The following RBMS3 variants were observed in gnomAD, a reference collection of about 807,000 sequenced individuals.
RBMS3 encodes the protein RNA-binding motif, single-stranded-interacting protein 3.
In RBMS3, 27 loss-of-function variants were observed where a neutral mutation model predicts 66.8. The ratio of observed to expected loss-of-function variants is 0.40; its 90% CI spans 0.30 to 0.56. The LOEUF (loss-of-function observed/expected upper bound fraction) is 0.56. Among genes scored for constraint, RBMS3 ranks in the 20% least tolerant of loss-of-function variants. RBMS3 has a pLI of 0.40. For synonymous variants in RBMS3, 188 were observed against 183.0 expected (o/e 1.03, Z -0.22); for missense variants, 513 against 549.5 (o/e 0.93, Z 0.66).
intron 8 of RBMS3, among the ~76,000 whole-genome samples, chr3:29,895,304 A>G (rs796290796): frequency 2.0e-5 from 3 of 151,660 alleles, no homozygotes; most frequent in African/African-American, 7.2e-5. Flanking sequence ...CATACAGTAT[A>G]TTCACTCTCT....
chr3:29,963,828 CA>C (rs759079889), intron 12 of RBMS3, among the ~76,000 whole-genome samples: 34 of 121,594 alleles, frequency 2.8e-4, no homozygotes, highest in Admixed American at 6.1e-4. Context: ...CTGCCCCCTC[CA>C]AAAAAAAAAA....
At chr3:29,852,850 G>C (rs1285321876) in intron 6 of RBMS3, among the ~76,000 whole-genome samples, 1 of 152,094 alleles carries the variant, frequency 6.6e-6, no homozygotes, top group African/African-American at 2.4e-5. Context: ...TTATAAAGAA[G>C]CATGAATTTG....
intron 1 of RBMS3, among the ~76,000 whole-genome samples, chr3:29,406,688 A>C (rs1482131168): frequency 6.6e-6 from 1 of 152,182 alleles, no homozygotes; most frequent in Non-Finnish European, 1.5e-5. Context: ...TAAACCCTGA[A>C]CTGTGTTAAA....
Position 29,679,367 on chromosome 3 carries a change from T to C in RBMS3, c.400-60353T>C, listed in dbSNP as rs148286233. Among the ~76,000 whole-genome samples the C allele has an allele frequency of 4.3e-3, 654 of 152,282 alleles. 4 individuals are homozygous for C. The highest frequency in any genetic ancestry group is 0.015 in the African/African-American group (629 of 41,566). ...TTCTATTTTTGAGCCAATCTCTTAATAGCATTTATTAGAGTCACTTTTGCC... is the reference window on the plus strand; with the variant it reads ...TTCTATTTTTGAGCCAATCTCTTAACAGCATTTATTAGAGTCACTTTTGCC... On this transcript the variant is annotated intron_variant, in intron 4 of 14. Coordinates refer to ENST00000383767, the MANE Select transcript of RBMS3 (RefSeq NM_001003793.3).
intron 7 of RBMS3, among the ~76,000 whole-genome samples, chr3:29,881,527 C>T (rs1318670581): frequency 6.6e-6 from 1 of 152,138 alleles, no homozygotes; most frequent in Admixed American, 6.6e-5. Flanking sequence ...AGAGCTAGAA[C>T]TTGAACTCAG....
intron 3 of RBMS3, among the ~76,000 whole-genome samples, chr3:29,547,585 AT>A (rs2046008861): frequency 6.6e-6 from 1 of 151,974 alleles, no homozygotes; most frequent in Non-Finnish European, 1.5e-5. Context: ...ATTTTTTCAT[AT>A]TGCTGAGGGA....
chr3:29,575,639 A>G (rs1045072548), intron 3 of RBMS3, among the ~76,000 whole-genome samples: 2 of 151,932 alleles, frequency 1.3e-5, no homozygotes, highest in African/African-American at 4.8e-5. Flanking sequence ...TAACTCTTAT[A>G]TTTGCCCTTT....
intron 1 of RBMS3, among the ~76,000 whole-genome samples, chr3:29,291,548 G>T (rs1404018568): frequency 2.0e-5 from 3 of 151,812 alleles, no homozygotes; most frequent in Non-Finnish European, 4.4e-5. Context: ...AATGTAACAG[G>T]TGTTTCCCTA....
At chr3:29,647,091 C>T (rs911102358) in intron 4 of RBMS3, among the ~76,000 whole-genome samples, 1 of 152,094 alleles carries the variant, frequency 6.6e-6, no homozygotes, top group Non-Finnish European at 1.5e-5. Context: ...GATTCTCGTG[C>T]CTCAGCCTCC....
intron 6 of RBMS3, among the ~76,000 whole-genome samples, chr3:29,835,415 G>A (rs1434553201): frequency 6.6e-6 from 1 of 151,932 alleles, no homozygotes; most frequent in Non-Finnish European, 1.5e-5. Flanking sequence ...TTAAAAGATT[G>A]TAATCATATT....
chr3:29,394,021 G>A (rs62235726), intron 1 of RBMS3, among the ~76,000 whole-genome samples: 4,027 of 152,204 alleles, frequency 0.026, 75 homozygotes, highest in Non-Finnish European at 0.041. Context: ...AACAGGGTTC[G>A]AGAGCAGACA....
intron 12 of RBMS3, among the ~76,000 whole-genome samples, chr3:29,987,288 AAGAGTAGAACTTTGAAGGTGC>A (rs933967148): frequency 2.6e-5 from 4 of 152,220 alleles, no homozygotes; most frequent in Non-Finnish European, 5.9e-5. Flanking sequence ...TCAATTCTTG[AAGAGTAGAACTTTGAAGGTGC>A]AGGATGAATA....
chr3:29,469,664 C>CATATAT (rs138407126), intron 2 of RBMS3, among the ~76,000 whole-genome samples: 17,839 of 148,192 alleles, frequency 0.12, 1,107 homozygotes, highest in Non-Finnish European at 0.14. Context: ...AAAACTAAAC[C>CATATAT]ATATATATAT....
chr3:29,943,281 A>T (rs916405375), intron 11 of RBMS3, among the ~76,000 whole-genome samples: 1 of 151,828 alleles, frequency 6.6e-6, no homozygotes, highest in Non-Finnish European at 1.5e-5. Flanking sequence ...TTGGCAGTTG[A>T]TTTGAATCTA....
At chr3:29,297,411 T>C (rs13093931) in intron 1 of RBMS3, among the ~76,000 whole-genome samples, 34,253 of 151,698 alleles carry the variant, frequency 0.23, 4,095 homozygotes, top group Admixed American at 0.31. Flanking sequence ...ATTGACTTGA[T>C]ACGTGAATAT....
intron 6 of RBMS3, among the ~76,000 whole-genome samples, chr3:29,803,879 G>T (rs970822662): frequency 2.0e-5 from 3 of 151,956 alleles, no homozygotes; most frequent in Admixed American, 2.0e-4. Flanking sequence ...TAATTATAAA[G>T]AATTTAATCA....
chr3:29,425,207 CA>C (rs1575779364), intron 1 of RBMS3, among the ~76,000 whole-genome samples: 5 of 98,934 alleles, frequency 5.1e-5, no homozygotes, highest in East Asian at 3.2e-4. Context: ...AAAAACCCCC[CA>C]AAAAAAACAA....
At chr3:29,423,653 G>A (rs1402990150) in intron 1 of RBMS3, among the ~76,000 whole-genome samples, 2 of 152,182 alleles carry the variant, frequency 1.3e-5, no homozygotes, top group African/African-American at 4.8e-5. Flanking sequence ...CTGTGATGAT[G>A]AGAATGTTCT....
chr3:29,875,381 A>T (rs2059589510), intron 7 of RBMS3, among the ~76,000 whole-genome samples: 1 of 152,116 alleles, frequency 6.6e-6, no homozygotes, highest in Non-Finnish European at 1.5e-5. Context: ...TTTTCATCCT[A>T]CTTAACCATG....
Sources: allele counts gnomAD v4.1 joint callset (sites outside exome capture counted in the v4.1 genomes callset), GRCh38; gene constraint gnomAD v4.1.1; transcripts MANE v1.5; gene names NCBI Gene and HGNC (gene_info 2026-07-23, HGNC 2026-07-21).